DSCAM: variants seen among roughly 807,000 people sequenced by gnomAD.
DSCAM encodes the protein cell adhesion molecule DSCAM.
A neutral mutation model predicts 217.7 loss-of-function variants in DSCAM; 47 were observed. The ratio of observed to expected loss-of-function variants is 0.22; its 90% CI spans 0.17 to 0.28. DSCAM has a LOEUF of 0.28. Among genes scored for constraint, DSCAM ranks in the 10% least tolerant of loss-of-function variants. The pLI is 1.00. For synonymous variants in DSCAM, 1,056 were observed against 1,015.3 expected, an observed-to-expected ratio of 1.04 and a Z score of -0.76; for missense variants, 2,080 against 2,618.3, an observed-to-expected ratio of 0.79 and a Z score of 4.49.
intron 3 of DSCAM, among the ~76,000 whole-genome samples, chr21:40,477,143 A>AGG (rs2075943787): frequency 6.6e-6 from 1 of 152,180 alleles, no homozygotes; most frequent in South Asian, 2.1e-4. Flanking sequence ...TTTTAATTTA[A>AGG]AAAGAAATTT....
intron 11 of DSCAM, among the ~76,000 whole-genome samples, chr21:40,261,489 G>A (rs1051261701): frequency 2.6e-5 from 4 of 152,012 alleles, no homozygotes; most frequent in Non-Finnish European, 4.4e-5. Flanking sequence ...CTGGGACCTT[G>A]GTCTTTTCTT....
At chr21:40,362,597 C>T (rs576457133) in intron 4 of DSCAM, among the ~76,000 whole-genome samples, 41 of 152,236 alleles carry the variant, frequency 2.7e-4, no homozygotes, top group African/African-American at 8.9e-4. Context: ...TCATTTCGTT[C>T]GCATTCAGTA....
At chr21:40,652,359 A>C (rs1025872655) in intron 3 of DSCAM, among the ~76,000 whole-genome samples, 4 of 151,974 alleles carry the variant, frequency 2.6e-5, no homozygotes, top group African/African-American at 9.7e-5. Flanking sequence ...AAAAAAAAAA[A>C]AAACAACTTC....
At chr21:40,559,979 G>A (rs1431264205) in intron 3 of DSCAM, among the ~76,000 whole-genome samples, 1 of 151,920 alleles carries the variant, frequency 6.6e-6, no homozygotes, top group Non-Finnish European at 1.5e-5. Flanking sequence ...ATTTTTAGTA[G>A]AGACGGGGTT....
At chr21:40,285,431 T>C (rs2073812640) in intron 10 of DSCAM, among the ~76,000 whole-genome samples, 1 of 152,288 alleles carries the variant, frequency 6.6e-6, no homozygotes, top group South Asian at 2.1e-4. Context: ...TTGACTGTCC[T>C]GGTGGCTCCA....
At chr21:40,490,621 C>T (rs76732928) in intron 3 of DSCAM, among the ~76,000 whole-genome samples, 11 of 152,098 alleles carry the variant, frequency 7.2e-5, no homozygotes, top group African/African-American at 2.2e-4. Flanking sequence ...CCCACCCTGA[C>T]GTCACAAAGA....
At chr21:40,621,304 T>A (rs1233485572) in intron 3 of DSCAM, 2 of 152,130 alleles carry the variant, frequency 1.3e-5, no homozygotes, top group African/African-American at 4.8e-5. Flanking sequence ...AAAGAGTGAT[T>A]TGGGGTGCTC....
At chr21:40,119,931 C>G (rs1311866834) in intron 20 of DSCAM, among the ~76,000 whole-genome samples, 1 of 152,062 alleles carries the variant, frequency 6.6e-6, no homozygotes, top group Non-Finnish European at 1.5e-5. Flanking sequence ...GATTCCTGCA[C>G]ATTTCTGGTT....
intron 16 of DSCAM, among the ~76,000 whole-genome samples, chr21:40,161,815 C>A (rs1334951682): frequency 2.0e-5 from 3 of 152,066 alleles, no homozygotes; most frequent in African/African-American, 7.2e-5. Context: ...AAACTTTTGT[C>A]ATTTTTCATA....
At chr21:40,622,993 G>C (rs1195343798) in intron 3 of DSCAM, among the ~76,000 whole-genome samples, 1 of 152,028 alleles carries the variant, frequency 6.6e-6, no homozygotes, top group African/African-American at 2.4e-5. Context: ...TAAATTAGTA[G>C]CTATCCTCAC....
intron 3 of DSCAM, among the ~76,000 whole-genome samples, chr21:40,475,861 A>G (rs947408401): frequency 6.6e-6 from 1 of 152,194 alleles, no homozygotes; most frequent in African/African-American, 2.4e-5. Context: ...AAAATTTAAA[A>G]AAAAACACAT....
At position 40,080,276 on chromosome 21, in the gene DSCAM, G is replaced by A. The variant is rs371455313; in HGVS notation, c.4296C>T (p.Ser1432=). ...EQWGSFPISP[S]ERSYRLENLK... ...GATTTTCCAAGCGATAGGAACGTTC[G>A]CTGGGGCTGATTGGAAAACTCCCCC... is the stretch of plus-strand genomic sequence containing the variant. The change falls in exon 25 of 33, where the codon AGC becomes AGT. Residue 1432 remains serine, a synonymous_variant. Coordinates refer to ENST00000400454, the MANE Select transcript of DSCAM (RefSeq NM_001389.5). 27 of 1,613,422 alleles carry A rather than the reference G, an allele frequency of 1.7e-5. No homozygotes were observed. The Middle Eastern group carries it at 6.7e-4, about 40-fold the overall frequency.
chr21:40,543,861 A>C (rs1366127416), intron 3 of DSCAM, among the ~76,000 whole-genome samples: 1 of 152,216 alleles, frequency 6.6e-6, no homozygotes, highest in Non-Finnish European at 1.5e-5. Flanking sequence ...ATAAATTTAC[A>C]TAATTAAAAA....
rs573902315 is a variant in DSCAM at position 40,112,312 on chromosome 21, G to C, written c.3696+11883C>G. ...GAAACTGAACAACCTGCTCCTGAAT[G>C]ACTACTGGGTACATAACGAAATGAA... On this transcript the variant is annotated intron_variant, in intron 20 of 32. Transcript: ENST00000400454. 1.5e-3 allele frequency among the ~76,000 whole-genome samples: 233 copies of C among 151,292 alleles called. 2 individuals are homozygous for C. Among genetic ancestry groups the C allele is most frequent in the African/African-American group, 5.3e-3 (220 of 41,358 alleles).
chr21:40,023,312 A>G (rs929018779), intron 32 of DSCAM, among the ~76,000 whole-genome samples: 32 of 152,226 alleles, frequency 2.1e-4, no homozygotes, highest in Admixed American at 4.6e-4. Flanking sequence ...TATTGTGAAT[A>G]ATGCCGCAAT....
At chr21:40,709,017 T>C (rs531401828) in intron 1 of DSCAM, among the ~76,000 whole-genome samples, 209 of 152,338 alleles carry the variant, frequency 1.4e-3, no homozygotes, top group Non-Finnish European at 2.4e-3. Context: ...TAATTTTTAA[T>C]AGATTGTTTT....
chr21:40,663,360 G>A (rs1485011947), intron 3 of DSCAM, among the ~76,000 whole-genome samples: 1 of 151,938 alleles, frequency 6.6e-6, no homozygotes, highest in Non-Finnish European at 1.5e-5. Context: ...AGTGTCCAGG[G>A]CCAGGTCACT....
intron 3 of DSCAM, among the ~76,000 whole-genome samples, chr21:40,638,271 G>A (rs2146336202): frequency 6.6e-6 from 1 of 152,226 alleles, no homozygotes; most frequent in East Asian, 1.9e-4. Context: ...ACTTTCAAAT[G>A]GAATTTCCCT....
At chr21:40,157,290 T>C (rs1405284084) in intron 16 of DSCAM, among the ~76,000 whole-genome samples, 1 of 152,148 alleles carries the variant, frequency 6.6e-6, no homozygotes, top group Admixed American at 6.5e-5. Flanking sequence ...AAATATCTGC[T>C]CTCTGGCCCA....
Sources: gnomAD v4.1 joint callset for allele counts (sites outside exome capture counted in the v4.1 genomes callset) on GRCh38, gnomAD v4.1.1 for gene constraint, MANE v1.5 for transcripts, NCBI Gene and HGNC (gene_info 2026-07-23, HGNC 2026-07-21) for gene names.